EML1: variants seen among roughly 807,000 people sequenced by gnomAD.
EML1 encodes the protein echinoderm microtubule-associated protein-like 1.
In EML1, 27 loss-of-function variants were observed where a neutral mutation model predicts 110.4. The ratio of observed to expected loss-of-function variants is 0.24; its 90% CI spans 0.18 to 0.34. The LOEUF (loss-of-function observed/expected upper bound fraction) is 0.34, where lower values mean the gene tolerates loss of function less well. Ranked by LOEUF, EML1 falls within the 10% of genes least tolerant of loss-of-function variation. The pLI is 1.00. For missense variants in EML1, 741 were observed against 1,030.9 expected (o/e 0.72, Z 3.85); for synonymous variants, 344 against 385.8 (o/e 0.89, Z 1.27).
chr14:99,800,301 A>G lies in EML1; in HGVS notation c.67+6758A>G, dbSNP rs57339248. 5.0e-3 allele frequency among the ~76,000 whole-genome samples: 761 copies of G among 152,226 alleles called. 5 individuals carry two copies. The highest frequency in any genetic ancestry group is 0.017 in the African/African-American group (724 of 41,540). On this transcript the variant is annotated intron_variant, in intron 1 of 21. Coordinates refer to ENST00000262233, the MANE Select transcript of EML1 (RefSeq NM_004434.3). ...ACTCTCTTTGGTTTACTTTTTAAGA[A>G]ATACCTCTTCAGAAGAGTTTTTCTT...
At chr14:99,913,131 A>AG (rs1436629409) in intron 13 of EML1, among the ~76,000 whole-genome samples, 1 of 151,206 alleles carries the variant, frequency 6.6e-6, no homozygotes, top group African/African-American at 2.4e-5. Context: ...ACATTGCCAA[A>AG]GAACTTACCA....
At chr14:99,754,366 C>T (rs533532881) in intron 1 of EML1, among the ~76,000 whole-genome samples, 14 of 152,300 alleles carry the variant, frequency 9.2e-5, no homozygotes, top group Non-Finnish European at 1.8e-4. Context: ...CCCCCTGCCT[C>T]CCCCCACGGT....
At chr14:99,782,710 A>C (rs1465146326) in intron 1 of EML1, among the ~76,000 whole-genome samples, 1 of 152,110 alleles carries the variant, frequency 6.6e-6, no homozygotes, top group African/African-American at 2.4e-5. Context: ...TATGAGCAAG[A>C]GTTACCGGAC....
intron 1 of EML1, among the ~76,000 whole-genome samples, chr14:99,810,690 G>A (rs2058059998): frequency 1.3e-5 from 2 of 152,210 alleles, no homozygotes; most frequent in Admixed American, 6.5e-5. Flanking sequence ...CATAAAGTGG[G>A]ATTCCTTCCT....
intron 1 of EML1, among the ~76,000 whole-genome samples, chr14:99,747,837 T>A (rs1012680255): frequency 1.3e-5 from 2 of 152,144 alleles, no homozygotes; most frequent in East Asian, 3.9e-4. Flanking sequence ...GGGTCAGCAA[T>A]GCACGGGAAG....
At chr14:99,815,578 TG>T (rs1204195246) in intron 1 of EML1, among the ~76,000 whole-genome samples, 2 of 152,228 alleles carry the variant, frequency 1.3e-5, no homozygotes, top group Non-Finnish European at 2.9e-5. Flanking sequence ...GGTTTCTTTT[TG>T]ACTTTGTTAA....
intron 2 of EML1, 79 bp downstream of exon 2, chr14:99,851,114 C>T: frequency 7.0e-7 from 1 of 1,432,012 alleles, no homozygotes; most frequent in Non-Finnish European, 9.5e-7. Context: ...ACATTGTGCT[C>T]TTTAATATTG....
intron 17 of EML1, among the ~76,000 whole-genome samples, chr14:99,929,151 A>G (rs542883774): frequency 1.3e-5 from 2 of 152,304 alleles, no homozygotes; most frequent in African/African-American, 4.8e-5. Flanking sequence ...AGCTCTTCCT[A>G]CTAGAACTCT....
At chr14:99,834,133 C>T (rs2058502680) in intron 1 of EML1, among the ~76,000 whole-genome samples, 1 of 152,120 alleles carries the variant, frequency 6.6e-6, no homozygotes, top group South Asian at 2.1e-4. Flanking sequence ...TGGATTTTGT[C>T]AAATGCTTTT....
chr14:99,927,478 TG>T (rs1164086504), intron 17 of EML1, among the ~76,000 whole-genome samples: 1 of 152,186 alleles, frequency 6.6e-6, no homozygotes, highest in East Asian at 1.9e-4. Flanking sequence ...AGGCACATAA[TG>T]GGTTTTTCTC....
intron 1 of EML1, among the ~76,000 whole-genome samples, chr14:99,815,935 G>C (rs1304507573): frequency 6.6e-6 from 1 of 152,214 alleles, no homozygotes; most frequent in Non-Finnish European, 1.5e-5. Flanking sequence ...ACAGGGGTAA[G>C]AATGTGGAGA....
At chr14:99,753,484 C>T (rs2057206840) in intron 1 of EML1, among the ~76,000 whole-genome samples, 1 of 151,944 alleles carries the variant, frequency 6.6e-6, no homozygotes, top group Non-Finnish European at 1.5e-5. Flanking sequence ...CACCTGGTGC[C>T]TGTCAGCACC....
intron 1 of EML1, among the ~76,000 whole-genome samples, chr14:99,742,541 G>A (rs1345113851): frequency 6.6e-6 from 1 of 152,152 alleles, no homozygotes; most frequent in Admixed American, 6.5e-5. Context: ...GGCACAGGGA[G>A]ATCTGGCAAC....
At chr14:99,931,434 C>G (rs1332667296) in intron 17 of EML1, among the ~76,000 whole-genome samples, 1 of 152,180 alleles carries the variant, frequency 6.6e-6, no homozygotes, top group Admixed American at 6.5e-5. Flanking sequence ...GACTGAAGCC[C>G]CCAGCCTCCA....
intron 1 of EML1, among the ~76,000 whole-genome samples, chr14:99,766,764 C>T (rs1473742818): frequency 3.3e-5 from 5 of 152,186 alleles, no homozygotes; most frequent in South Asian, 2.1e-4. Context: ...TAAAATTTAA[C>T]GAAGCCAGCT....
upstream of EML1, among the ~76,000 whole-genome samples, chr14:99,769,084 G>T (rs1566856705): frequency 6.6e-6 from 1 of 152,074 alleles, no homozygotes; most frequent in Non-Finnish European, 1.5e-5. Context: ...TTGGTTGGTG[G>T]TTTCGATGTG....
At chr14:99,917,925 C>A (rs2060061509) in intron 16 of EML1, 76 bp downstream of exon 16, 2 of 1,464,154 alleles carry the variant, frequency 1.4e-6, no homozygotes, top group Non-Finnish European at 1.9e-6. Context: ...TCCCCAGGAA[C>A]AGGCCCCCGT....
rs545372773 is a variant in EML1 at position 99,857,140 on chromosome 14, C to T, written c.250+6105C>T. Among the ~76,000 whole-genome samples the T allele has an allele frequency of 7.9e-5, 12 of 152,086 alleles. No individual in the cohort carries two copies. The East Asian group carries it at 1.8e-3, about 22-fold the overall frequency. On this transcript the variant is annotated intron_variant, in intron 2 of 21. Transcript: ENST00000262233. ...TACCGAAATTAGCCTTGTGTGATGG[C>T]GTGAACCTGTAGCCCCAGCTATGCT... is the stretch of plus-strand genomic sequence containing the variant.
intron 1 of EML1, among the ~76,000 whole-genome samples, chr14:99,741,953 C>T (rs1337035316): frequency 3.9e-5 from 6 of 152,144 alleles, no homozygotes; most frequent in Non-Finnish European, 8.8e-5. Context: ...GTAGGAGTCC[C>T]GAGCTGTTGG....
Sources: allele counts gnomAD v4.1 joint callset (sites outside exome capture counted in the v4.1 genomes callset), GRCh38; gene constraint gnomAD v4.1.1; transcripts MANE v1.5; gene names NCBI Gene and HGNC (gene_info 2026-07-23, HGNC 2026-07-21).